Variants in GLRB observed in about 807,000 individuals in gnomAD.
The protein encoded by GLRB is glycine receptor subunit beta.
In GLRB, 33 loss-of-function variants were observed where a neutral mutation model predicts 54.2. The observed-to-expected ratio is 0.61, with a 90% confidence interval of 0.46 to 0.81. GLRB has a LOEUF of 0.81. Ranked by LOEUF, GLRB falls within the 40% of genes least tolerant of loss-of-function variation. GLRB has a pLI of 0.00. For synonymous variants in GLRB, 209 were observed against 208.2 expected, an observed-to-expected ratio of 1.00 and a Z score of -0.03; for missense variants, 572 against 584.6, an observed-to-expected ratio of 0.98 and a Z score of 0.22.
chr4:157,146,309 C>T (rs938551250), intron 8 of GLRB, among the ~76,000 whole-genome samples: 6 of 152,124 alleles, frequency 3.9e-5, no homozygotes, highest in Non-Finnish European at 8.8e-5. Context: ...GCCACTGCAC[C>T]GGGCCGATTT....
rs1230300799 is a variant in GLRB at position 157,154,307 on chromosome 4, T to C, written c.1197+1297T>C. ...GCTCTGCCATTCTCTTATGTTTGAA[T>C]TGGTATATTTAGATCACTTCCATTT... On this transcript the variant is annotated intron_variant, in intron 9 of 9. Coordinates refer to ENST00000264428, the MANE Select transcript of GLRB (RefSeq NM_000824.5). 2.6e-5 allele frequency among the ~76,000 whole-genome samples: 4 copies of C among 152,162 alleles called. No homozygotes were observed. The East Asian group carries it at 7.7e-4, about 29-fold the overall frequency.
At chr4:157,165,079 T>C (rs1393924389) in intron 9 of GLRB, among the ~76,000 whole-genome samples, 1 of 152,088 alleles carries the variant, frequency 6.6e-6, no homozygotes, top group African/African-American at 2.4e-5. Context: ...GAAATAAATG[T>C]AAATTACTTT....
rs187822736 is a variant in GLRB, at chr4:157,098,773, T to A, written c.122+20627T>A. Among the ~76,000 whole-genome samples, 53 of 151,608 alleles carry A rather than the reference T, an allele frequency of 3.5e-4. No homozygotes were observed. The East Asian group carries it at 9.0e-3, about 26-fold the overall frequency. ...GGCATGCACCACCATGCTGGCTAATTTTTTTTGTATTTTTAATAGAGACGG... is the reference window on the plus strand; with the variant it reads ...GGCATGCACCACCATGCTGGCTAATATTTTTTGTATTTTTAATAGAGACGG... On this transcript the variant is annotated intron_variant, in intron 2 of 9. Transcript: ENST00000264428.
intron 4 of GLRB, among the ~76,000 whole-genome samples, chr4:157,128,293 C>T (rs946993039): frequency 2.3e-4 from 35 of 151,660 alleles, no homozygotes; most frequent in African/African-American, 8.2e-4. Flanking sequence ...GGATACTTTC[C>T]TCATTACCTT....
In GLRB at chr4:157,095,363, A is replaced by C. The variant is rs74810143; in HGVS notation, c.122+17217A>C. ...GATATCTGTTAAAAACTACAGGAAG[A>C]GTAGATAGGAAATGAGGGGAAAACA... On this transcript the variant is annotated intron_variant, in intron 2 of 9. Transcript: ENST00000264428. Among the ~76,000 whole-genome samples the C allele has an allele frequency of 6.3e-3, 952 of 151,972 alleles. 22 individuals are homozygous for C. The East Asian group carries it at 0.1, about 16-fold the overall frequency.
chr4:157,155,651 G>T (rs1359722055), intron 9 of GLRB, among the ~76,000 whole-genome samples: 3 of 152,060 alleles, frequency 2.0e-5, no homozygotes, highest in Non-Finnish European at 2.9e-5. Flanking sequence ...AAAACTAATT[G>T]TTCTAATTGC....
At chr4:157,161,773 T>G (rs1350419431) in intron 9 of GLRB, among the ~76,000 whole-genome samples, 1 of 152,192 alleles carries the variant, frequency 6.6e-6, no homozygotes, top group Non-Finnish European at 1.5e-5. Flanking sequence ...ATTTTTTCCT[T>G]CATTTCAACT....
At chr4:157,168,115 AT>A (rs111436022) in intron 9 of GLRB, among the ~76,000 whole-genome samples, 40,913 of 144,920 alleles carry the variant, frequency 0.28, 6,498 homozygotes, top group African/African-American at 0.44. Flanking sequence ...ACCAGTTCCT[AT>A]TTTTTTTTTT....
intron 9 of GLRB, among the ~76,000 whole-genome samples, 186 bp downstream of exon 9, chr4:157,153,196 C>A (rs538872333): frequency 6.6e-6 from 1 of 152,074 alleles, no homozygotes; most frequent in South Asian, 2.1e-4. Context: ...ACATTCAGAA[C>A]GTTTAGGTCG....
At chr4:157,154,642 G>C (rs111225926) in intron 9 of GLRB, among the ~76,000 whole-genome samples, 7,891 of 151,994 alleles carry the variant, frequency 0.052, 333 homozygotes, top group African/African-American at 0.12. Context: ...GGTCAGGTTG[G>C]TCTTGAACTC....
At chr4:157,092,892 A>G (rs1734669305) in intron 2 of GLRB, among the ~76,000 whole-genome samples, 1 of 152,192 alleles carries the variant, frequency 6.6e-6, no homozygotes, top group South Asian at 2.1e-4. Context: ...GGAAGTCTCG[A>G]AAACAGTAGT....
chr4:157,085,778 T>C (rs927842794), intron 2 of GLRB, among the ~76,000 whole-genome samples: 6 of 151,656 alleles, frequency 4.0e-5, no homozygotes, highest in African/African-American at 1.4e-4. Flanking sequence ...ATTACAGGCG[T>C]GAGCCACCGT....
chr4:157,167,654 G>C (rs1274848679), intron 9 of GLRB, among the ~76,000 whole-genome samples: 5 of 152,162 alleles, frequency 3.3e-5, no homozygotes, highest in Admixed American at 1.3e-4. Context: ...TTAGATTTTA[G>C]TTGCTACTTT....
In GLRB at chr4:157,145,658, T is replaced by A. The variant is rs947976102; in HGVS notation, c.904+1699T>A. ...ACACTTCTTAGCTTCAATGAGTATATATGTTATTGGGAAGAAACAGGCACC... is the reference window on the plus strand; with the variant it reads ...ACACTTCTTAGCTTCAATGAGTATAAATGTTATTGGGAAGAAACAGGCACC... On this transcript the variant is annotated intron_variant, in intron 8 of 9. Coordinates refer to ENST00000264428, the MANE Select transcript of GLRB (RefSeq NM_000824.5). 3.3e-5 allele frequency among the ~76,000 whole-genome samples: 5 copies of A among 152,292 alleles called. No homozygotes were observed. In the East Asian group the frequency reaches 9.7e-4, roughly 29 times the overall value.
intron 9 of GLRB, among the ~76,000 whole-genome samples, chr4:157,166,818 T>A: frequency 6.6e-6 from 1 of 152,046 alleles, no homozygotes; most frequent in Admixed American, 6.6e-5. Context: ...CTATAAGTAA[T>A]CTCTGTGAAT....
In GLRB at chr4:157,148,944, C is replaced by T. The variant is rs148888312; in HGVS notation, c.905-3774C>T. Reference sequence around the variant, plus strand: ...ATCTCCAATTATAATTATGGAATTACGCTGCAGGTATTTGGAAGGTCTGTT... The same window carrying T: ...ATCTCCAATTATAATTATGGAATTATGCTGCAGGTATTTGGAAGGTCTGTT... On this transcript the variant is annotated intron_variant, in intron 8 of 9. Coordinates refer to ENST00000264428, the MANE Select transcript of GLRB (RefSeq NM_000824.5). 4.9e-3 allele frequency among the ~76,000 whole-genome samples: 747 copies of T among 152,046 alleles called. 9 individuals are homozygous for T. The highest frequency in any genetic ancestry group is 0.017 in the African/African-American group (700 of 41,488).
At chr4:157,163,915 A>G (rs1037805497) in intron 9 of GLRB, among the ~76,000 whole-genome samples, 2 of 150,930 alleles carry the variant, frequency 1.3e-5, no homozygotes, top group Non-Finnish European at 3.0e-5. Flanking sequence ...AGGTATGTCT[A>G]CTCTATCTTC....
At chr4:157,150,048 A>C (rs1356921593) in intron 8 of GLRB, among the ~76,000 whole-genome samples, 1 of 152,060 alleles carries the variant, frequency 6.6e-6, no homozygotes, top group Non-Finnish European at 1.5e-5. Context: ...TGAAAAATTG[A>C]GATGATTTTG....
intron 2 of GLRB, among the ~76,000 whole-genome samples, chr4:157,100,366 T>C (rs1734973712): frequency 6.6e-6 from 1 of 152,204 alleles, no homozygotes; most frequent in Admixed American, 6.5e-5. Context: ...TGAAAAATCC[T>C]GTACATTACT....
Sources: gnomAD v4.1 joint callset for allele counts (sites outside exome capture counted in the v4.1 genomes callset) on GRCh38, gnomAD v4.1.1 for gene constraint, MANE v1.5 for transcripts, NCBI Gene and HGNC (gene_info 2026-07-23, HGNC 2026-07-21) for gene names.